The following CPQ variants were observed in gnomAD, a reference collection of about 807,000 sequenced individuals.
CPQ encodes the protein carboxypeptidase Q, also known as Ser-Met dipeptidase.
A neutral mutation model predicts 45.7 loss-of-function variants in CPQ; 37 were observed. The observed-to-expected ratio is 0.81, with a 90% CI of 0.62 to 1.07. The LOEUF (loss-of-function observed/expected upper bound fraction) is 1.07, where lower values mean the gene tolerates loss of function less well. CPQ is among the 50% of genes least tolerant of loss of function. The pLI, the probability that CPQ is intolerant of heterozygous loss-of-function variation, is 0.00. For synonymous variants in CPQ, 186 were observed against 205.8 expected, an observed-to-expected ratio of 0.90 and a Z score of 0.82; for missense variants, 537 against 572.9, an observed-to-expected ratio of 0.94 and a Z score of 0.64.
At chr8:97,021,284 T>C (rs960716473) in intron 5 of CPQ, among the ~76,000 whole-genome samples, 4 of 152,110 alleles carry the variant, frequency 2.6e-5, no homozygotes, top group African/African-American at 4.8e-5. Flanking sequence ...TGGGGAAAAG[T>C]TGAAAGCATT....
chr8:96,821,126 ATTTTTT>A (rs572906188), intron 2 of CPQ, among the ~76,000 whole-genome samples: 4 of 60,938 alleles, frequency 6.6e-5, no homozygotes, highest in African/African-American at 2.2e-4. Context: ...TTTAATCTGA[ATTTTTT>A]TTTTTTTTTT....
chr8:96,784,802 G>A lies in CPQ; in HGVS notation c.-34-62G>A. 2.4e-6 allele frequency: 3 copies of A among 1,243,776 alleles called. 1 individual carries two copies. In the South Asian group the frequency reaches 4.5e-5, roughly 19 times the overall value. The allele number at this position is 1,243,776 out of a possible 1,614,324, so 77.0% of individuals were successfully genotyped here. On this transcript the variant is annotated intron_variant, in intron 1 of 7. Transcript: ENST00000220763. The stretch of plus-strand genomic sequence containing the variant: ...ATGCTGCTTGAAAAGCAATCCCTGG[G>A]TTATGGGCAGATAGCTGTGAGATTC...
intron 4 of CPQ, among the ~76,000 whole-genome samples, chr8:96,893,350 G>A (rs1007830401): frequency 1.3e-5 from 2 of 152,174 alleles, no homozygotes; most frequent in Admixed American, 1.3e-4. Flanking sequence ...TTATAAGCTT[G>A]GGAAATATTC....
At chr8:96,703,287 T>G (rs529943113) in intron 1 of CPQ, among the ~76,000 whole-genome samples, 22 of 152,334 alleles carry the variant, frequency 1.4e-4, no homozygotes, top group African/African-American at 4.6e-4. Context: ...TTTAGCTTGA[T>G]GCACAGTCTT....
intron 5 of CPQ, among the ~76,000 whole-genome samples, chr8:96,985,602 G>T (rs765406221): frequency 1.7e-4 from 26 of 152,134 alleles, no homozygotes; most frequent in Non-Finnish European, 3.2e-4. Flanking sequence ...TCACCCATTG[G>T]CATGAAATAA....
chr8:97,063,265 A>G (rs1417929930), intron 6 of CPQ, among the ~76,000 whole-genome samples: 3 of 152,084 alleles, frequency 2.0e-5, no homozygotes, highest in Non-Finnish European at 4.4e-5. Flanking sequence ...CTTGTTGGCC[A>G]CACGTATGTC....
intron 4 of CPQ, among the ~76,000 whole-genome samples, chr8:96,908,877 A>G (rs192274056): frequency 2.0e-5 from 3 of 152,150 alleles, no homozygotes; most frequent in Non-Finnish European, 4.4e-5. Flanking sequence ...CCACATTCCC[A>G]TAGGATTCTG....
chr8:97,042,236 T>G (rs1405178918), intron 6 of CPQ, among the ~76,000 whole-genome samples: 2,024 of 150,392 alleles, frequency 0.013, 41 homozygotes, highest in African/African-American at 0.046. Context: ...GTCGAGGAAT[T>G]TATCCATTTC....
intron 7 of CPQ, among the ~76,000 whole-genome samples, chr8:97,134,009 G>A (rs1367258082): frequency 6.6e-6 from 1 of 152,208 alleles, no homozygotes; most frequent in Non-Finnish European, 1.5e-5. Context: ...TGTTCACATG[G>A]TTTTGGTAAG....
chr8:96,734,507 C>T (rs984148858), intron 1 of CPQ, among the ~76,000 whole-genome samples: 5 of 152,078 alleles, frequency 3.3e-5, no homozygotes, highest in East Asian at 1.9e-4. Flanking sequence ...GTCAGGAGAT[C>T]GAGACCATCC....
intron 6 of CPQ, among the ~76,000 whole-genome samples, chr8:97,035,782 A>G (rs1037123111): frequency 1.3e-5 from 2 of 152,094 alleles, no homozygotes; most frequent in African/African-American, 4.8e-5. Flanking sequence ...ATCTCGGCTC[A>G]CTGCAACCTC....
intron 3 of CPQ, among the ~76,000 whole-genome samples, chr8:96,843,722 C>T (rs1811648246): frequency 6.6e-6 from 1 of 152,178 alleles, no homozygotes; most frequent in African/African-American, 2.4e-5. Context: ...CATGTAAATT[C>T]AAGGTGTCAC....
chr8:96,698,277 G>A (rs1172459246), intron 1 of CPQ, among the ~76,000 whole-genome samples: 2 of 152,040 alleles, frequency 1.3e-5, no homozygotes, highest in African/African-American at 4.8e-5. Flanking sequence ...AGTGGTGCTG[G>A]GAAAACTGGA....
intron 7 of CPQ, among the ~76,000 whole-genome samples, chr8:97,119,851 T>C (rs1481436393): frequency 6.6e-6 from 1 of 152,184 alleles, no homozygotes; most frequent in African/African-American, 2.4e-5. Flanking sequence ...GAACTTCAGA[T>C]CATGCCAACA....
At chr8:96,750,164 C>T (rs941624313) in intron 1 of CPQ, among the ~76,000 whole-genome samples, 4 of 151,346 alleles carry the variant, frequency 2.6e-5, no homozygotes, top group African/African-American at 9.7e-5. Context: ...CACACATATG[C>T]TACACAATTT....
chr8:96,677,361 G>C (rs997533902), intron 1 of CPQ, among the ~76,000 whole-genome samples: 1 of 151,996 alleles, frequency 6.6e-6, no homozygotes, highest in African/African-American at 2.4e-5. Context: ...TTTAATTATG[G>C]TCATTCTTGC....
chr8:96,924,729 T>C (rs1291612849), intron 4 of CPQ, among the ~76,000 whole-genome samples: 1 of 152,192 alleles, frequency 6.6e-6, no homozygotes, highest in Non-Finnish European at 1.5e-5. Flanking sequence ...CTAGATACTG[T>C]AACTGATTAT....
intron 5 of CPQ, among the ~76,000 whole-genome samples, chr8:97,004,333 A>G (rs1184346385): frequency 6.6e-6 from 1 of 152,076 alleles, no homozygotes; most frequent in East Asian, 1.9e-4. Context: ...ATATAATTCA[A>G]TTCAAAACAC....
intron 1 of CPQ, among the ~76,000 whole-genome samples, chr8:96,706,592 G>C (rs1423769744): frequency 6.6e-6 from 1 of 152,100 alleles, no homozygotes; most frequent in Non-Finnish European, 1.5e-5. Flanking sequence ...ACATTTGAAG[G>C]CATGCATTTA....
Sources: gnomAD v4.1 joint callset for allele counts (sites outside exome capture counted in the v4.1 genomes callset) on GRCh38, gnomAD v4.1.1 for gene constraint, MANE v1.5 for transcripts, NCBI Gene and HGNC (gene_info 2026-07-23, HGNC 2026-07-21) for gene names.